GGTA1: variants seen among roughly 807,000 people sequenced by gnomAD.
GGTA1 encodes the protein inactive N-acetyllactosaminide alpha-1,3-galactosyltransferase.
GGTA1 carries 5 observed loss-of-function variants against 2.6 expected under a neutral mutation model. That is an observed-to-expected ratio of 1.92 (90% CI 1.00 to 4.04). The LOEUF is 4.04. Among genes scored for constraint, GGTA1 ranks in the 30% most tolerant of loss-of-function variants. GGTA1 has a pLI of 0.00. For synonymous variants in GGTA1, 17 were observed against 5.0 expected, an observed-to-expected ratio of 3.38 and a Z score of -3.19; for missense variants, 50 against 16.7, an observed-to-expected ratio of 2.99 and a Z score of -3.47.
downstream of GGTA1, among the ~76,000 whole-genome samples, chr9:121,454,348 T>C (rs2064894517): frequency 6.6e-6 from 1 of 152,194 alleles, no homozygotes; most frequent in Admixed American, 6.5e-5. Flanking sequence ...GAAAACCAAG[T>C]CTCAGAGCAG....
rs993887338 is a variant in GGTA1 at position 121,455,796 on chromosome 9, G to C, written c.*41C>G. On this transcript the variant is annotated 3_prime_UTR_variant, in exon 6 of 6. Coordinates refer to ENST00000481799, the MANE Select transcript of GGTA1 (RefSeq NM_001382585.1). ...TCAGTCCAGGTCTTCTAGAAGGACT[G>C]AGTCAGAAAACCAGAGTCCAGTTTA... 2.2e-6 allele frequency: 1 copy of C among 453,972 alleles called. No homozygotes were observed. Among genetic ancestry groups the C allele is most frequent in the Admixed American group, 2.4e-5 (1 of 42,510 alleles). 28.1% of individuals were successfully genotyped at this position (453,972 alleles called of 1,614,324 possible).
intron 1 of GGTA1, among the ~76,000 whole-genome samples, chr9:121,483,815 C>A (rs779319911): frequency 6.6e-6 from 1 of 152,210 alleles, no homozygotes; most frequent in African/African-American, 2.4e-5. Flanking sequence ...CGATCTCCAA[C>A]CTGCTTACCT....
At chr9:121,453,932 C>G (rs1451372996), downstream of GGTA1, among the ~76,000 whole-genome samples, 1 of 152,126 alleles carries the variant, frequency 6.6e-6, no homozygotes, top group South Asian at 2.1e-4. Flanking sequence ...AACGCTGCAC[C>G]CTGTAGTTCT....
intron 1 of GGTA1, among the ~76,000 whole-genome samples, chr9:121,482,596 T>G (rs970681422): frequency 5.3e-5 from 8 of 151,904 alleles, no homozygotes; most frequent in African/African-American, 1.9e-4. Flanking sequence ...TGGTGAAACT[T>G]TGTCTCTACT....
intron 4 of GGTA1, among the ~76,000 whole-genome samples, chr9:121,460,733 T>A (rs542949516): frequency 4.6e-5 from 7 of 152,184 alleles, no homozygotes; most frequent in Non-Finnish European, 8.8e-5. Flanking sequence ...TAATCCCAGC[T>A]ACTTGGGAGG....
intron 7 of GGTA1, among the ~76,000 whole-genome samples, chr9:121,450,031 A>C (rs74814315): frequency 0.022 from 3,336 of 152,242 alleles, 126 homozygotes; most frequent in African/African-American, 0.075. Context: ...TAATGTGCTG[A>C]TCACACTACT....
intron 4 of GGTA1, among the ~76,000 whole-genome samples, chr9:121,460,477 C>T (rs901165780): frequency 6.6e-6 from 1 of 152,162 alleles, no homozygotes; most frequent in Non-Finnish European, 1.5e-5. Context: ...CAGGTTATTT[C>T]AGGGGGGGTG....
intron 2 of GGTA1, among the ~76,000 whole-genome samples, chr9:121,464,363 GT>G (rs1255979181): frequency 8.7e-6 from 1 of 114,974 alleles, no homozygotes; most frequent in Non-Finnish European, 1.6e-5. Flanking sequence ...GTCTTGCTCT[GT>G]TGCCCAGGCT....
intron 1 of GGTA1, among the ~76,000 whole-genome samples, chr9:121,483,091 C>G (rs1828687725): frequency 6.6e-6 from 1 of 152,162 alleles, no homozygotes; most frequent in Non-Finnish European, 1.5e-5. Flanking sequence ...AGCAGTGATC[C>G]CCGGTCTCAT....
chr9:121,463,061 T>C, intron 3 of GGTA1: 1 of 266,194 alleles, frequency 3.8e-6, no homozygotes, highest in Non-Finnish European at 7.3e-6. Context: ...CAAATGACAC[T>C]GCTTAAGAGA....
chr9:121,477,617 C>T (rs1828541387), intron 1 of GGTA1, among the ~76,000 whole-genome samples: 2 of 146,824 alleles, frequency 1.4e-5, no homozygotes, highest in Admixed American at 1.4e-4. Context: ...GCTCTGTCAC[C>T]CAGGCTGGAG....
intron 3 of GGTA1, chr9:121,462,940 T>G (rs897538317): frequency 3.2e-5 from 5 of 154,972 alleles, no homozygotes; most frequent in Middle Eastern, 3.3e-3. Context: ...TTTTTCCTGA[T>G]TTTTATTCTT....
chr9:121,491,597 A>G (rs1223957288), intron 1 of GGTA1, among the ~76,000 whole-genome samples: 1 of 149,370 alleles, frequency 6.7e-6, no homozygotes, highest in African/African-American at 2.5e-5. Flanking sequence ...CTGTGCAATT[A>G]GTTTTTTTTT....
rs79306392 is a variant in GGTA1 at position 121,459,108 on chromosome 9, G to C, written c.298+996C>G. ...CCCTTATCCCCAAACAATAAGAGAA[G>C]TTGCCAGAACATATTCAGTCTTTCC... On this transcript the variant is annotated intron_variant, in intron 5 of 5. Transcript: ENST00000481799. 8.4e-3 allele frequency among the ~76,000 whole-genome samples: 1,277 copies of C among 152,308 alleles called. 19 individuals are homozygous for C. Among genetic ancestry groups the C allele is most frequent in the African/African-American group, 0.029 (1,215 of 41,574 alleles).
At chr9:121,445,505 G>A (rs1211078464) in exon 8 of GGTA1, 3 of 152,140 alleles carry the variant, frequency 2.0e-5, no homozygotes, top group East Asian at 1.9e-4. Context: ...ACAAATGACC[G>A]AGACTGGAAC....
intron 1 of GGTA1, among the ~76,000 whole-genome samples, chr9:121,481,250 CA>C (rs1166492383): frequency 1.3e-5 from 2 of 151,550 alleles, no homozygotes; most frequent in Admixed American, 6.6e-5. Flanking sequence ...CCTAGTCCCA[CA>C]ATGGGATTCT....
At chr9:121,465,181 T>C (rs1036665813) in intron 2 of GGTA1, among the ~76,000 whole-genome samples, 2 of 152,198 alleles carry the variant, frequency 1.3e-5, no homozygotes, top group African/African-American at 4.8e-5. Flanking sequence ...GAGAGGCTGG[T>C]ATATACATGC....
downstream of GGTA1, among the ~76,000 whole-genome samples, chr9:121,451,515 G>A (rs552223125): frequency 1.1e-4 from 17 of 152,292 alleles, no homozygotes; most frequent in Non-Finnish European, 2.2e-4. Context: ...AAGAATGATC[G>A]TAGTTTTTCT....
At chr9:121,469,982 T>C (rs1828353614) in intron 1 of GGTA1, among the ~76,000 whole-genome samples, 1 of 152,242 alleles carries the variant, frequency 6.6e-6, no homozygotes, top group Non-Finnish European at 1.5e-5. Context: ...GGCTCTGGCC[T>C]CAGTCTTCCC....
Sources: gnomAD v4.1 joint callset for allele counts (sites outside exome capture counted in the v4.1 genomes callset) on GRCh38, gnomAD v4.1.1 for gene constraint, MANE v1.5 for transcripts, NCBI Gene and HGNC (gene_info 2026-07-23, HGNC 2026-07-21) for gene names.